RPA1: variants seen among roughly 807,000 people sequenced by gnomAD.
RPA1 encodes replication protein A1.
Under a neutral mutation model 83.0 loss-of-function variants are expected in RPA1, and 49 were observed. The observed-to-expected ratio is 0.59, with a 90% confidence interval of 0.47 to 0.75. The LOEUF (loss-of-function observed/expected upper bound fraction) is 0.75. Ranked by LOEUF, RPA1 falls within the 30% of genes least tolerant of loss-of-function variation. The probability of loss-of-function intolerance (pLI) is 0.00; values close to 1 mark genes in which losing one functional copy is unlikely to be tolerated. For synonymous variants in RPA1, 279 were observed against 281.8 expected, an observed-to-expected ratio of 0.99 and a Z score of 0.10; for missense variants, 693 against 776.1, an observed-to-expected ratio of 0.89 and a Z score of 1.27.
rs556128389 is a variant in RPA1 at position 1,838,637 on chromosome 17, C to A, written c.34-4166C>A. Among the ~76,000 whole-genome samples, 7 of 151,980 alleles carry A rather than the reference C, an allele frequency of 4.6e-5. No individual in the cohort carries two copies. The East Asian group carries it at 1.4e-3, about 29-fold the overall frequency. ...AAAAAAAAAAGAAATCTTTGCCTACCCGACCCAAGGTCACAAATCTTTTAT... is the reference window on the plus strand; with the variant it reads ...AAAAAAAAAAGAAATCTTTGCCTACACGACCCAAGGTCACAAATCTTTTAT... On this transcript the variant is annotated intron_variant, in intron 1 of 16. Transcript: ENST00000254719.
rs942258987 is a variant in RPA1 at position 1,865,615 on chromosome 17, C to T, written c.362-6819C>T. Among the ~76,000 whole-genome samples, 9 of 152,082 alleles carry T rather than the reference C, an allele frequency of 5.9e-5. 1 individual carries two copies. The highest frequency in any genetic ancestry group is 1.3e-4 in the Non-Finnish European group (9 of 68,024). ...AGAGAAATCTTACTCCTACCCTTGC[C>T]GCCCCTGCCACCCACTGCTGCCCTC... On this transcript the variant is annotated intron_variant, in intron 5 of 16. Coordinates refer to ENST00000254719, the MANE Select transcript of RPA1 (RefSeq NM_002945.5).
intron 5 of RPA1, among the ~76,000 whole-genome samples, chr17:1,869,163 A>G (rs1308318046): frequency 6.6e-6 from 1 of 152,208 alleles, no homozygotes; most frequent in Non-Finnish European, 1.5e-5. Context: ...TTTCTCTGCG[A>G]TGGCTCACTT....
chr17:1,832,533 A>G (rs2151264439), intron 1 of RPA1, among the ~76,000 whole-genome samples: 1 of 151,626 alleles, frequency 6.6e-6, no homozygotes, highest in South Asian at 2.1e-4. Context: ...AATACAGGAG[A>G]CTGCCATGAT....
rs1231614437 is a variant in RPA1 at position 1,898,752 on chromosome 17, C to G, written c.*1577C>G. ...TTTAGACACATTCCTTCCTACCCTT[C>G]TCTAGTCTCAGGAGATGGTAACTGG... On this transcript the variant is annotated 3_prime_UTR_variant, in exon 17 of 17. Transcript: ENST00000254719. 1 of 152,290 alleles carries G rather than the reference C, an allele frequency of 6.6e-6. No homozygotes were observed. The highest frequency in any genetic ancestry group is 1.5e-5 in the Non-Finnish European group (1 of 68,062). The allele number at this position is 152,290 out of a possible 1,614,324, so 9.4% of individuals were successfully genotyped here. A position where few individuals can be genotyped will look rare whatever the true frequency, so the allele number is the denominator to read the frequency against.
intron 5 of RPA1, among the ~76,000 whole-genome samples, chr17:1,858,648 A>G (rs1484605180): frequency 1.3e-5 from 2 of 151,648 alleles, no homozygotes; most frequent in Admixed American, 1.3e-4. Flanking sequence ...TATTTTTAGT[A>G]GAGACGCGGT....
intron 1 of RPA1, among the ~76,000 whole-genome samples, chr17:1,840,403 C>T (rs1415662819): frequency 1.3e-5 from 2 of 152,180 alleles, no homozygotes; most frequent in Admixed American, 1.3e-4. Flanking sequence ...TCTCCTGCCT[C>T]AGCCTCCCAA....
Position 1,832,564 on chromosome 17 carries a change from T to A in RPA1, c.33+2438T>A, listed in dbSNP as rs563942787. Among the ~76,000 whole-genome samples, 3 of 152,052 alleles carry A rather than the reference T, an allele frequency of 2.0e-5. No homozygotes were observed. The East Asian group carries it at 5.8e-4, about 30-fold the overall frequency. ...ATGATGCCCGGCTAATTTTTGTATT[T>A]TTAGTAGAGATGGGGTTTCACCATG... On this transcript the variant is annotated intron_variant, in intron 1 of 16. Coordinates refer to ENST00000254719, the MANE Select transcript of RPA1 (RefSeq NM_002945.5).
intron 5 of RPA1, among the ~76,000 whole-genome samples, chr17:1,867,506 A>G (rs1449250211): frequency 2.0e-5 from 3 of 152,092 alleles, no homozygotes; most frequent in African/African-American, 7.2e-5. Context: ...CAGGAATTCA[A>G]GATTGGCCTG....
chr17:1,874,399 A>G (rs1203153891), intron 6 of RPA1, among the ~76,000 whole-genome samples: 1 of 152,164 alleles, frequency 6.6e-6, no homozygotes, highest in African/African-American at 2.4e-5. Context: ...CCAGCTACTC[A>G]AGAAGCTGAA....
In RPA1 at chr17:1,853,092, C is replaced by T. The variant is rs1043328730; in HGVS notation, c.273-9C>T. On this transcript the variant is annotated splice_polypyrimidine_tract_variant and intron_variant, in intron 4 of 16. Coordinates refer to ENST00000254719, the MANE Select transcript of RPA1 (RefSeq NM_002945.5). ...TTTCTAACCTGTTTCTGTTTGTCTGCTTTTGCAGGAGAGTAGTTATCTTGA... is the reference window on the plus strand; with the variant it reads ...TTTCTAACCTGTTTCTGTTTGTCTGTTTTTGCAGGAGAGTAGTTATCTTGA... 1.6e-5 allele frequency: 26 copies of T among 1,613,136 alleles called. No individual in the cohort carries two copies. Among genetic ancestry groups the T allele is most frequent in the Middle Eastern group, 1.7e-4 (1 of 6,058 alleles).
chr17:1,860,995 G>A (rs917392067), intron 5 of RPA1, among the ~76,000 whole-genome samples: 4 of 152,132 alleles, frequency 2.6e-5, no homozygotes, highest in South Asian at 4.1e-4. Flanking sequence ...GTTCTACCTC[G>A]TGCCCCATGA....
rs998618275 is a variant in RPA1 at position 1,899,566 on chromosome 17, C to A, written c.*2391C>A. Reference sequence around the variant, plus strand: ...CCTTGCTAATCTCTCGCGTGCTGTTCCTTTTTTGAACTGCAGGGTCAAAAA... The same window carrying A: ...CCTTGCTAATCTCTCGCGTGCTGTTACTTTTTTGAACTGCAGGGTCAAAAA... On this transcript the variant is annotated 3_prime_UTR_variant, in exon 17 of 17. Transcript: ENST00000254719. 1 of 152,134 alleles carries A rather than the reference C, an allele frequency of 6.6e-6. No individual in the cohort carries two copies. Among genetic ancestry groups the A allele is most frequent in the Admixed American group, 6.6e-5 (1 of 15,266 alleles). The allele number at this position is 152,134 out of a possible 1,614,324, so 9.4% of individuals were successfully genotyped here.
chr17:1,880,448 C>A, intron 11 of RPA1, 95 bp from the exon 12 acceptor site: 1 of 1,318,304 alleles, frequency 7.6e-7, no homozygotes. Context: ...TGATTACATT[C>A]ACTCTACTAT....
At position 1,884,076 on chromosome 17, in the gene RPA1, G is replaced by A; in HGVS notation, c.1374+132G>A. On this transcript the variant is annotated intron_variant, in intron 13 of 16. Transcript: ENST00000254719. This position sits in a 1 kb window ranked among gnomAD's most constrained non-coding sequence, Gnocchi z 4.1. ...CGGGGCTGTGACCTGAGCGTGGCAT[G>A]GGGGTTGAGAATCACTGGCAGAGGG... 7.9e-7 allele frequency: 1 copy of A among 1,261,234 alleles called. No homozygotes were observed. 78.1% of individuals were successfully genotyped at this position (1,261,234 alleles called of 1,614,324 possible). A position where few individuals can be genotyped will look rare whatever the true frequency, so the allele number is the denominator to read the frequency against.
chr17:1,858,094 C>T lies in RPA1; in HGVS notation c.361+4905C>T, dbSNP rs1912784601. ...CACAGTAAGAACCAGGACAACCACT[C>T]CAGACTGGTATAGCTGGGGAATCTT... On this transcript the variant is annotated intron_variant, in intron 5 of 16. Transcript: ENST00000254719. 1.9e-5 allele frequency: 31 copies of T among 1,613,456 alleles called. No individual in the cohort carries two copies. In the South Asian group the frequency reaches 3.4e-4, roughly 18 times the overall value.
intron 14 of RPA1, among the ~76,000 whole-genome samples, chr17:1,890,060 T>C (rs1472892191): frequency 6.6e-6 from 1 of 151,862 alleles, no homozygotes; most frequent in Non-Finnish European, 1.5e-5. Flanking sequence ...GGCAGTAATA[T>C]ATCAGAAGCC....
chr17:1,898,042 TTA>T lies in RPA1; in HGVS notation c.*868_*869del, dbSNP rs1914511822. 1 of 152,246 alleles carries T rather than the reference TTA, an allele frequency of 6.6e-6. No homozygotes were observed. Among genetic ancestry groups the T allele is most frequent in the Non-Finnish European group, 1.5e-5 (1 of 68,036 alleles). 9.4% of individuals were successfully genotyped at this position (152,246 alleles called of 1,614,324 possible). On this transcript the variant is annotated 3_prime_UTR_variant, in exon 17 of 17. Coordinates refer to ENST00000254719, the MANE Select transcript of RPA1 (RefSeq NM_002945.5). The stretch of plus-strand genomic sequence containing the variant: ...AGCCTTTTGTTTCCCTTGCTTTGTT[TTA>T]ATAAACAGTATATTCTTTGGTTGTG...
chr17:1,860,743 T>C (rs971254795), intron 5 of RPA1, among the ~76,000 whole-genome samples: 1 of 152,198 alleles, frequency 6.6e-6, no homozygotes, highest in Non-Finnish European at 1.5e-5. Flanking sequence ...TGGATCATAT[T>C]TTCCTGCTGC....
At chr17:1,854,834 CA>C (rs1379521752) in intron 5 of RPA1, among the ~76,000 whole-genome samples, 3 of 152,262 alleles carry the variant, frequency 2.0e-5, no homozygotes, top group Admixed American at 2.0e-4. Context: ...ACTTCATTAG[CA>C]AAGCAGGCAT....
Sources: allele counts gnomAD v4.1 joint callset (sites outside exome capture counted in the v4.1 genomes callset), GRCh38; gene constraint gnomAD v4.1.1; non-coding constraint Gnocchi (gnomAD v3.1); transcripts MANE v1.5; gene names NCBI Gene and HGNC (gene_info 2026-07-23, HGNC 2026-07-21).